Variants in DHX15 observed in about 807,000 individuals in gnomAD.
DHX15 encodes the protein ATP-dependent RNA helicase DHX15.
Under a neutral mutation model 94.4 loss-of-function variants are expected in DHX15, and 11 were observed. The ratio of observed to expected loss-of-function variants is 0.12; its 90% confidence interval spans 0.07 to 0.19. The LOEUF (loss-of-function observed/expected upper bound fraction) is 0.19, where lower values mean the gene tolerates loss of function less well. Among genes scored for constraint, DHX15 ranks in the 10% least tolerant of loss-of-function variants. DHX15 has a pLI of 1.00. For missense variants in DHX15, 304 were observed against 988.5 expected (o/e 0.31, Z 9.29); for synonymous variants, 338 against 329.9 (o/e 1.02, Z -0.27).
At chr4:24,545,324 T>A (rs1272081177) in intron 6 of DHX15, among the ~76,000 whole-genome samples, 1 of 152,228 alleles carries the variant, frequency 6.6e-6, no homozygotes, top group East Asian at 1.9e-4. Context: ...TTAGTTACCA[T>A]TATAAAAAGT....
In DHX15 at chr4:24,548,985, A is replaced by G; in HGVS notation, c.1118T>C (p.Val373Ala). The G allele has an allele frequency of 6.2e-7, 1 of 1,613,872 alleles. No homozygotes were observed. The highest frequency in any genetic ancestry group is 8.5e-7 in the Non-Finnish European group (1 of 1,179,842). The change falls in exon 6 of 14, where the codon GTT becomes GCT. Residue 373 changes from valine (V) to alanine (A), a missense_variant. Transcript: ENST00000336812. The part of the protein sequence containing the change: ...DEACKRIKRE[V>A]DDLGPEVGDI... ...ACCAACTTCAGGGCCCAAATCATCA[A>G]CTTCACGCTTTATTCTCTTACAGGC...
chr4:24,562,066 G>A (rs560873470), intron 3 of DHX15, among the ~76,000 whole-genome samples: 1 of 141,652 alleles, frequency 7.1e-6, no homozygotes, highest in Admixed American at 7.8e-5. Context: ...AACCCAGGAG[G>A]CACAGGCTGC....
chr4:24,549,098 G>C, intron 5 of DHX15, 76 bp from the exon 6 acceptor site: 1 of 1,280,308 alleles, frequency 7.8e-7, no homozygotes, highest in South Asian at 1.8e-5. Context: ...GTTCTATGCA[G>C]TCTGTTTTAT....
intron 8 of DHX15, among the ~76,000 whole-genome samples, 155 bp downstream of exon 8, chr4:24,541,714 ACTAT>A (rs767383330): frequency 2.0e-4 from 30 of 152,072 alleles, no homozygotes; most frequent in Non-Finnish European, 2.6e-4. Context: ...GGGGTGTACG[ACTAT>A]CTAAGTTAAT....
At chr4:24,543,324 T>C (rs1231646283) in intron 6 of DHX15, among the ~76,000 whole-genome samples, 1 of 152,084 alleles carries the variant, frequency 6.6e-6, no homozygotes, top group African/African-American at 2.4e-5. Flanking sequence ...AAAAGAAAAA[T>C]ACTGATGAAG....
chr4:24,528,159 C>A (rs1329782781), intron 13 of DHX15, 118 bp from the exon 14 acceptor site: 7 of 643,452 alleles, frequency 1.1e-5, no homozygotes, highest in African/African-American at 1.8e-5. Context: ...TCTATGAATT[C>A]AAGTCTCAGA....
At chr4:24,580,480 T>A (rs1224116483) in intron 1 of DHX15, among the ~76,000 whole-genome samples, 8 of 150,654 alleles carry the variant, frequency 5.3e-5, no homozygotes, top group Admixed American at 5.3e-4. Flanking sequence ...TAACTGGTCA[T>A]CAAAATCATG....
chr4:24,567,160 T>G (rs1224874651), intron 3 of DHX15, among the ~76,000 whole-genome samples: 1 of 152,216 alleles, frequency 6.6e-6, no homozygotes, highest in Non-Finnish European at 1.5e-5. Context: ...ACAGTAAAAT[T>G]ACCTACCAAA....
At chr4:24,568,762 C>T (rs540610116) in intron 3 of DHX15, among the ~76,000 whole-genome samples, 31 of 152,302 alleles carry the variant, frequency 2.0e-4, no homozygotes, top group African/African-American at 7.0e-4. Flanking sequence ...AAATCTCCCC[C>T]TTATTATCCT....
intron 2 of DHX15, 143 bp from the exon 3 acceptor site, chr4:24,570,990 G>C (rs902676149): frequency 2.4e-6 from 2 of 832,378 alleles, no homozygotes; most frequent in African/African-American, 1.7e-5. Context: ...TTCAAAACTT[G>C]TAACAACACA....
intron 1 of DHX15, among the ~76,000 whole-genome samples, chr4:24,579,626 C>T (rs918423310): frequency 2.6e-5 from 4 of 152,150 alleles, no homozygotes; most frequent in African/African-American, 9.7e-5. Context: ...TATAGGATCA[C>T]AGTTATTTCT....
intron 12 of DHX15, among the ~76,000 whole-genome samples, chr4:24,532,600 C>A (rs924621620): frequency 6.6e-6 from 1 of 152,168 alleles, no homozygotes; most frequent in African/African-American, 2.4e-5. Context: ...ATAACAAAGG[C>A]TCTATTAATA....
intron 6 of DHX15, among the ~76,000 whole-genome samples, chr4:24,545,404 G>C (rs1034950919): frequency 1.3e-5 from 2 of 152,110 alleles, no homozygotes; most frequent in African/African-American, 4.8e-5. Flanking sequence ...ATTAAATTCT[G>C]TAATACTTAA....
rs113245341 is a variant in DHX15 at position 24,562,668 on chromosome 4, C to T, written c.702-6258G>A. On this transcript the variant is annotated intron_variant, in intron 3 of 13. Coordinates refer to ENST00000336812, the MANE Select transcript of DHX15 (RefSeq NM_001358.3). ...CTCATAAATCCTTGGGATAGCCATACACTTTATAAAACATAGTGTAATATA... is the reference window on the plus strand; with the variant it reads ...CTCATAAATCCTTGGGATAGCCATATACTTTATAAAACATAGTGTAATATA... 9.5e-3 allele frequency among the ~76,000 whole-genome samples: 1,440 copies of T among 152,322 alleles called. 10 individuals are homozygous for T. Among genetic ancestry groups the T allele is most frequent in the Middle Eastern group, 0.031 (9 of 294 alleles).
chr4:24,540,880 A>T lies in DHX15; in HGVS notation c.1554T>A (p.Gly518=). Residue 518 remains glycine, a synonymous_variant, in exon 9 of 14, where the codon GGT becomes GGA. Transcript: ENST00000336812. ...GSVVLQLKKL[G]IDDLVHFDFM... The stretch of plus-strand genomic sequence containing the variant: ...AATCAAAATGTACCAAGTCATCAAT[A>T]CCAAGTTTCTTCAATTGTAACACAA... 6.2e-7 allele frequency: 1 copy of T among 1,609,568 alleles called. No individual in the cohort carries two copies. Among genetic ancestry groups the T allele is most frequent in the Non-Finnish European group, 8.5e-7 (1 of 1,176,782 alleles).
Position 24,554,888 on chromosome 4 carries a change from T to C in DHX15, c.917A>G (p.Asn306Ser), listed in dbSNP as rs770345290. The change falls in exon 5 of 14, where the codon AAC becomes AGC. Residue 306 changes from asparagine to serine, a missense_variant. Physicochemically the swap from Asn to Ser is conservative, Grantham distance 46. Transcript: ENST00000336812. ...CCCAGGAATAGTTAGGAGAGGACAG[T>C]TATCAAAGTAAATCTGGAATTTTCC... Reference protein sequence around the residue: ...DAGKFQIYFDNCPLLTIPGRT... With the variant: ...DAGKFQIYFDSCPLLTIPGRT... 2 of 1,613,734 alleles carry C rather than the reference T, an allele frequency of 1.2e-6. No homozygotes were observed. The highest frequency in any genetic ancestry group is 2.2e-5 in the South Asian group (2 of 91,066).
At position 24,529,735 on chromosome 4, in the gene DHX15, A is replaced by T; in HGVS notation, c.2136T>A (p.Thr712=). The stretch of plus-strand genomic sequence containing the variant: ...ACTGAACCACCTGGTTATCTTTCAC[A>T]GTTAAGTAATGCCCTGTTCGTTCTA... The part of the protein sequence containing the change: ...AHLERTGHYL[T]VKDNQVVQLH... Residue 712 remains threonine (T), a synonymous_variant, in exon 13 of 14, where the codon ACT becomes ACA. Coordinates refer to ENST00000336812, the MANE Select transcript of DHX15 (RefSeq NM_001358.3). 1.2e-6 allele frequency: 2 copies of T among 1,614,236 alleles called. No homozygotes were observed. Among genetic ancestry groups the T allele is most frequent in the Middle Eastern group, 1.6e-4 (1 of 6,062 alleles).
intron 10 of DHX15, among the ~76,000 whole-genome samples, chr4:24,539,436 T>TTCA (rs1721261205): frequency 6.6e-6 from 1 of 152,198 alleles, no homozygotes; most frequent in Non-Finnish European, 1.5e-5. Flanking sequence ...CAAGTTACTA[T>TTCA]TCATTTGTGG....
At chr4:24,561,191 A>G (rs754491821) in intron 3 of DHX15, among the ~76,000 whole-genome samples, 8 of 152,262 alleles carry the variant, frequency 5.3e-5, no homozygotes, top group Non-Finnish European at 1.0e-4. Flanking sequence ...GGTTCCATCA[A>G]TAGAATTTGT....
Sources: gnomAD v4.1 joint callset for allele counts (sites outside exome capture counted in the v4.1 genomes callset) on GRCh38, gnomAD v4.1.1 for gene constraint, MANE v1.5 for transcripts, NCBI Gene and HGNC (gene_info 2026-07-23, HGNC 2026-07-21) for gene names.